Variants in C1orf21 observed in about 807,000 individuals in gnomAD.
C1orf21 encodes the protein chromosome 1 open reading frame 21.
In C1orf21, 3 loss-of-function variants were observed where a neutral mutation model predicts 18.7. The ratio of observed to expected loss-of-function variants is 0.16; its 90% CI spans 0.07 to 0.42. The LOEUF (loss-of-function observed/expected upper bound fraction) is 0.42, where lower values mean the gene tolerates loss of function less well. Ranked by LOEUF, C1orf21 falls within the 10% of genes least tolerant of loss-of-function variation. The pLI, the probability that C1orf21 is intolerant of heterozygous loss-of-function variation, is 0.99. For synonymous variants in C1orf21, 41 were observed against 46.4 expected (o/e 0.88, Z 0.47); for missense variants, 104 against 143.6 (o/e 0.72, Z 1.41).
chr1:184,428,111 A>G (rs1216468851), intron 1 of C1orf21, among the ~76,000 whole-genome samples: 1 of 152,208 alleles, frequency 6.6e-6, no homozygotes, highest in Non-Finnish European at 1.5e-5. Context: ...GGGTGTTGTG[A>G]GGTATCAGTA....
intron 3 of C1orf21, among the ~76,000 whole-genome samples, chr1:184,557,889 A>G (rs1364975198): frequency 1.3e-5 from 2 of 152,170 alleles, no homozygotes; most frequent in African/African-American, 2.4e-5. Flanking sequence ...CATTCTAGAT[A>G]AAATCACTGT....
rs74455902 is a variant in C1orf21, at chr1:184,477,978, T to G, written c.94+375T>G. ...GAGGTGAAAGGGTGATGAGACCTAA[T>G]GGAAATCAATGTGGATCTTTACTTT... On this transcript the variant is annotated intron_variant, in intron 2 of 5. Transcript: ENST00000235307. Among the ~76,000 whole-genome samples, 395 of 152,334 alleles carry G rather than the reference T, an allele frequency of 2.6e-3. 2 individuals are homozygous for G. Among genetic ancestry groups the G allele is most frequent in the African/African-American group, 8.9e-3 (372 of 41,582 alleles).
intron 1 of C1orf21, among the ~76,000 whole-genome samples, chr1:184,441,022 T>C (rs971112333): frequency 1.3e-5 from 2 of 152,218 alleles, no homozygotes; most frequent in African/African-American, 4.8e-5. Flanking sequence ...AGAAGTAAAC[T>C]GAAATTCTAC....
At chr1:184,438,982 A>G (rs1656903633) in intron 1 of C1orf21, among the ~76,000 whole-genome samples, 1 of 152,220 alleles carries the variant, frequency 6.6e-6, no homozygotes, top group Non-Finnish European at 1.5e-5. Flanking sequence ...AGGCCAAGGC[A>G]GGTGAATCAC....
chr1:184,490,164 G>A (rs1015165613), intron 2 of C1orf21, among the ~76,000 whole-genome samples: 2 of 152,208 alleles, frequency 1.3e-5, no homozygotes, highest in Non-Finnish European at 2.9e-5. Flanking sequence ...TTAAAACCTA[G>A]CATTTCACTT....
At chr1:184,561,712 G>A (rs1011553916) in intron 3 of C1orf21, among the ~76,000 whole-genome samples, 5 of 152,064 alleles carry the variant, frequency 3.3e-5, no homozygotes, top group Non-Finnish European at 7.4e-5. Context: ...ACACCTTCCG[G>A]GATCAAGTAA....
intron 3 of C1orf21, among the ~76,000 whole-genome samples, chr1:184,512,844 G>T (rs1055881982): frequency 2.6e-5 from 4 of 151,762 alleles, no homozygotes; most frequent in East Asian, 2.0e-4. Context: ...CAGGCCACAC[G>T]GCAGGAGGTG....
intron 1 of C1orf21, among the ~76,000 whole-genome samples, chr1:184,441,723 A>G (rs1656950142): frequency 6.6e-6 from 1 of 152,214 alleles, no homozygotes; most frequent in African/African-American, 2.4e-5. Context: ...TAAATTTACA[A>G]TTCTAAATTG....
At chr1:184,616,928 A>G (rs1276298000) in intron 5 of C1orf21, among the ~76,000 whole-genome samples, 3 of 152,130 alleles carry the variant, frequency 2.0e-5, no homozygotes, top group African/African-American at 7.2e-5. Flanking sequence ...TCTGGAGTGC[A>G]AGGCTGAGGT....
chr1:184,462,214 A>T (rs1657316319), intron 1 of C1orf21, among the ~76,000 whole-genome samples: 1 of 152,234 alleles, frequency 6.6e-6, no homozygotes, highest in African/African-American at 2.4e-5. Context: ...AAAAATGGGT[A>T]TTCAGCCTAG....
intron 3 of C1orf21, among the ~76,000 whole-genome samples, chr1:184,514,462 C>T (rs1014032393): frequency 3.9e-5 from 6 of 152,088 alleles, no homozygotes; most frequent in African/African-American, 1.4e-4. Flanking sequence ...TGACATGATC[C>T]CATTTTTCAC....
intron 1 of C1orf21, among the ~76,000 whole-genome samples, chr1:184,389,736 G>T (rs1341818660): frequency 6.6e-6 from 1 of 152,184 alleles, no homozygotes; most frequent in African/African-American, 2.4e-5. Flanking sequence ...GCTCTAAGCA[G>T]CCCCCTTCTA....
intron 1 of C1orf21, among the ~76,000 whole-genome samples, chr1:184,426,423 C>G (rs779066487): frequency 7.9e-5 from 12 of 152,148 alleles, no homozygotes; most frequent in African/African-American, 2.9e-4. Context: ...TTCAGTAACA[C>G]ACCCCATTGG....
At chr1:184,532,248 C>T (rs1013012147) in intron 3 of C1orf21, among the ~76,000 whole-genome samples, 1 of 152,046 alleles carries the variant, frequency 6.6e-6, no homozygotes, top group African/African-American at 2.4e-5. Context: ...TATTTCTGAC[C>T]CTCAGTTCTT....
At chr1:184,434,201 A>C (rs999550427) in intron 1 of C1orf21, among the ~76,000 whole-genome samples, 6 of 152,154 alleles carry the variant, frequency 3.9e-5, no homozygotes, top group Non-Finnish European at 7.4e-5. Context: ...TGACTCTTGA[A>C]TAAACACTGG....
At chr1:184,512,857 C>T (rs2180072) in intron 3 of C1orf21, among the ~76,000 whole-genome samples, 35,308 of 152,110 alleles carry the variant, frequency 0.23, 4,259 homozygotes, top group African/African-American at 0.3. Context: ...AGGAGGTGAG[C>T]GGCAGGCGGG....
rs1658358577 is a variant in C1orf21 at position 184,525,033 on chromosome 1, T to TA, written c.189+17354dup. On this transcript the variant is annotated intron_variant, in intron 3 of 5. Transcript: ENST00000235307. ...GAAGAATGGCAAATTTTTTTCTCCC[T>TA]AAAGAGTGAAAGTCTCTTACACATC... Among the ~76,000 whole-genome samples, 4 of 152,158 alleles carry TA rather than the reference T, an allele frequency of 2.6e-5. No homozygotes were observed. The South Asian group carries it at 8.3e-4, about 32-fold the overall frequency.
intron 5 of C1orf21, among the ~76,000 whole-genome samples, chr1:184,602,318 G>C (rs1304961718): frequency 6.6e-6 from 1 of 152,230 alleles, no homozygotes; most frequent in Non-Finnish European, 1.5e-5. Context: ...GACCAAGAGA[G>C]ACAGATTGTC....
At chr1:184,441,221 C>G (rs777063451) in intron 1 of C1orf21, among the ~76,000 whole-genome samples, 4 of 152,186 alleles carry the variant, frequency 2.6e-5, no homozygotes, top group Admixed American at 1.3e-4. Context: ...CCTTGTTTCT[C>G]CCGTTTCTTA....
Sources: gnomAD v4.1 joint callset for allele counts (sites outside exome capture counted in the v4.1 genomes callset) on GRCh38, gnomAD v4.1.1 for gene constraint, MANE v1.5 for transcripts, NCBI Gene and HGNC (gene_info 2026-07-23, HGNC 2026-07-21) for gene names.